MAGI2: variants seen among roughly 807,000 people sequenced by gnomAD.
MAGI2 encodes membrane-associated guanylate kinase, WW and PDZ domain-containing protein 2.
MAGI2 carries 35 observed loss-of-function variants against 133.3 expected under a neutral mutation model. The ratio of observed to expected loss-of-function variants is 0.26; its 90% confidence interval spans 0.20 to 0.35. MAGI2 has a LOEUF of 0.35. Among genes scored for constraint, MAGI2 ranks in the 10% least tolerant of loss-of-function variants. MAGI2 has a pLI of 1.00. For synonymous variants in MAGI2, 729 were observed against 710.6 expected (o/e 1.03, Z -0.41); for missense variants, 1,636 against 1,863.4 (o/e 0.88, Z 2.25).
chr7:78,835,931 A>G (rs1023760996), intron 2 of MAGI2, among the ~76,000 whole-genome samples: 2 of 152,226 alleles, frequency 1.3e-5, no homozygotes, highest in Admixed American at 1.3e-4. Context: ...ATTCTACTGT[A>G]TAATAGACTT....
intron 2 of MAGI2, among the ~76,000 whole-genome samples, chr7:78,997,304 G>C (rs959183627): frequency 6.6e-6 from 1 of 152,010 alleles, no homozygotes; most frequent in Non-Finnish European, 1.5e-5. Flanking sequence ...TCTGATTTTT[G>C]TAATAAAAGC....
At chr7:79,047,161 G>T (rs1282130558) in intron 1 of MAGI2, among the ~76,000 whole-genome samples, 1 of 151,984 alleles carries the variant, frequency 6.6e-6, no homozygotes, top group Non-Finnish European at 1.5e-5. Context: ...TTATGACAAA[G>T]TTACTATATT....
chr7:78,650,522 C>T (rs1007936108), intron 2 of MAGI2, among the ~76,000 whole-genome samples: 7 of 152,074 alleles, frequency 4.6e-5, no homozygotes, highest in African/African-American at 1.7e-4. Context: ...TTCAAAAGGT[C>T]AGGAGATTTA....
At chr7:79,408,790 AG>A (rs1188408378) in intron 1 of MAGI2, among the ~76,000 whole-genome samples, 2 of 152,242 alleles carry the variant, frequency 1.3e-5, no homozygotes, top group Admixed American at 1.3e-4. Context: ...TAAAACCCAT[AG>A]GTTATTCATA....
intron 1 of MAGI2, among the ~76,000 whole-genome samples, chr7:79,417,642 A>G (rs1374503063): frequency 1.3e-5 from 2 of 152,148 alleles, no homozygotes; most frequent in Non-Finnish European, 2.9e-5. Flanking sequence ...GGCAATTATA[A>G]CATGCAGAGA....
intron 1 of MAGI2, among the ~76,000 whole-genome samples, chr7:79,144,582 C>A (rs982684754): frequency 6.6e-6 from 1 of 152,126 alleles, no homozygotes; most frequent in South Asian, 2.1e-4. Flanking sequence ...TATAAATTAC[C>A]CAGTTTCAGC....
intron 6 of MAGI2, among the ~76,000 whole-genome samples, chr7:78,377,233 T>G (rs941676370): frequency 3.3e-5 from 5 of 152,076 alleles, no homozygotes; most frequent in Non-Finnish European, 5.9e-5. Context: ...CAAAATAGTA[T>G]GAACTTCAAA....
intron 9 of MAGI2, among the ~76,000 whole-genome samples, chr7:78,339,334 C>T (rs1219754870): frequency 6.6e-6 from 1 of 152,148 alleles, no homozygotes; most frequent in Non-Finnish European, 1.5e-5. Context: ...TAAATGAAGA[C>T]AATCTGCTAA....
chr7:78,343,952 G>C lies in MAGI2; in HGVS notation c.1234C>G (p.Leu412Val). The C allele has an allele frequency of 1.2e-6, 2 of 1,607,918 alleles. No homozygotes were observed. The highest frequency in any genetic ancestry group is 2.2e-5 in the South Asian group (2 of 89,938). ...LQAPGFREKPLFTRDASQLKG... is the reference protein window; with the variant it reads ...LQAPGFREKPVFTRDASQLKG... ...AACTGGGATGCATCCCGGGTGAAGA[G>C]TGGTTTTTCTACATTGGCCAATATA... The change falls in exon 9 of 22, where the codon CTC (leucine) becomes GTC (valine). Residue 412 changes from leucine to valine, a missense_variant. By Grantham distance (32) the Leu-to-Val change is conservative. Coordinates refer to ENST00000354212, the MANE Select transcript of MAGI2 (RefSeq NM_012301.4).
chr7:78,786,561 C>T (rs1191673927), intron 2 of MAGI2, among the ~76,000 whole-genome samples: 1 of 152,208 alleles, frequency 6.6e-6, no homozygotes, highest in Non-Finnish European at 1.5e-5. Context: ...GGCTTCCTGA[C>T]AGCCCTTCTA....
intron 6 of MAGI2, among the ~76,000 whole-genome samples, chr7:78,415,918 G>C (rs888777946): frequency 1.3e-5 from 2 of 152,090 alleles, no homozygotes; most frequent in African/African-American, 2.4e-5. Flanking sequence ...TTTGTATGAT[G>C]ATGAGGCATT....
At chr7:78,365,399 G>A (rs1793275978) in intron 7 of MAGI2, among the ~76,000 whole-genome samples, 1 of 152,166 alleles carries the variant, frequency 6.6e-6, no homozygotes, top group Non-Finnish European at 1.5e-5. Flanking sequence ...GAAATTTATA[G>A]CAGGCATTTT....
intron 21 of MAGI2, among the ~76,000 whole-genome samples, chr7:78,033,433 A>T (rs1484977570): frequency 1.4e-5 from 2 of 146,440 alleles, no homozygotes; most frequent in African/African-American, 5.0e-5. Context: ...TGATCATGCC[A>T]CTGCACTCTA....
At chr7:78,370,723 CAT>C (rs1166745967) in intron 6 of MAGI2, among the ~76,000 whole-genome samples, 10 of 151,854 alleles carry the variant, frequency 6.6e-5, no homozygotes, top group Non-Finnish European at 1.5e-4. Flanking sequence ...CTTTTAGGAA[CAT>C]ATATGTTTTA....
chr7:78,516,704 T>C (rs1409245685), intron 4 of MAGI2, among the ~76,000 whole-genome samples: 2 of 152,236 alleles, frequency 1.3e-5, no homozygotes, highest in African/African-American at 4.8e-5. Context: ...TAAAAGGTAA[T>C]TGGATCAGGA....
intron 1 of MAGI2, among the ~76,000 whole-genome samples, chr7:79,266,589 A>G (rs1157788061): frequency 6.6e-6 from 1 of 152,190 alleles, no homozygotes; most frequent in African/African-American, 2.4e-5. Flanking sequence ...GTCTGGTAAG[A>G]AAAGTCTTTT....
At chr7:78,948,727 T>A (rs1801632935) in intron 2 of MAGI2, among the ~76,000 whole-genome samples, 2 of 152,066 alleles carry the variant, frequency 1.3e-5, no homozygotes, top group Admixed American at 6.6e-5. Context: ...CAAATCAAAA[T>A]TTTCCTTACT....
intron 16 of MAGI2, among the ~76,000 whole-genome samples, chr7:78,145,070 C>A (rs914261106): frequency 2.6e-5 from 4 of 152,120 alleles, no homozygotes; most frequent in African/African-American, 7.2e-5. Context: ...AGGGAAAAAA[C>A]CAATTTTTCA....
intron 1 of MAGI2, among the ~76,000 whole-genome samples, chr7:79,132,148 A>C (rs532973373): frequency 3.9e-5 from 6 of 152,126 alleles, no homozygotes; most frequent in Non-Finnish European, 8.8e-5. Flanking sequence ...GCTTTTTAAA[A>C]ATTTTTTGTT....
Sources: allele counts gnomAD v4.1 joint callset (sites outside exome capture counted in the v4.1 genomes callset), GRCh38; gene constraint gnomAD v4.1.1; transcripts MANE v1.5; gene names NCBI Gene and HGNC (gene_info 2026-07-23, HGNC 2026-07-21).